The following AGMO variants were observed in gnomAD, a reference collection of about 807,000 sequenced individuals.
AGMO encodes the protein glyceryl-ether monooxygenase.
A neutral mutation model predicts 60.2 loss-of-function variants in AGMO; 75 were observed. The observed-to-expected ratio is 1.25, with a 90% CI of 1.03 to 1.51. The LOEUF is 1.51. AGMO is among the 40% of genes most tolerant of loss of function. The pLI is 0.00. For missense variants in AGMO, 763 were observed against 525.5 expected, an observed-to-expected ratio of 1.45 and a Z score of -4.42; for synonymous variants, 261 against 177.1, an observed-to-expected ratio of 1.47 and a Z score of -3.76.
At chr7:15,465,620 T>G (rs906491901) in intron 3 of AGMO, among the ~76,000 whole-genome samples, 2 of 146,936 alleles carry the variant, frequency 1.4e-5, no homozygotes, top group African/African-American at 5.0e-5. Flanking sequence ...TATATATGAT[T>G]TTTTTTTTAG....
At position 15,385,536 on chromosome 7, in the gene AGMO, T is replaced by C. The variant is rs1783875819; in HGVS notation, c.984A>G (p.Ser328=). ...TCTTTAATAGCTGAGATGAAGATGATGAGAAGGGAACTTCTTTGCCGGTGA... is the reference window on the plus strand; with the variant it reads ...TCTTTAATAGCTGAGATGAAGATGACGAGAAGGGAACTTCTTTGCCGGTGA... ...PEVTGKEVPF[S]SSSSQLLKIY... is the part of the protein sequence containing the mutation. The change falls in exon 10 of 13, where the codon TCA becomes TCG. Residue 328 remains serine (S), a synonymous_variant. Coordinates refer to ENST00000342526, the MANE Select transcript of AGMO (RefSeq NM_001004320.2). 3.1e-6 allele frequency: 5 copies of C among 1,612,538 alleles called. No homozygotes were observed. Among genetic ancestry groups the C allele is most frequent in the Middle Eastern group, 1.6e-4 (1 of 6,080 alleles).
At chr7:15,320,077 C>G (rs941672751) in intron 12 of AGMO, among the ~76,000 whole-genome samples, 2 of 146,942 alleles carry the variant, frequency 1.4e-5, no homozygotes, top group South Asian at 4.3e-4. Context: ...AACACTTGGA[C>G]ACAGGAAGGG....
At chr7:15,271,936 G>A (rs924543386) in intron 12 of AGMO, among the ~76,000 whole-genome samples, 1 of 151,980 alleles carries the variant, frequency 6.6e-6, no homozygotes, top group Non-Finnish European at 1.5e-5. Flanking sequence ...TATGGTTTTT[G>A]TTTCTAATTG....
chr7:15,227,351 G>T (rs1423620711), intron 12 of AGMO, among the ~76,000 whole-genome samples: 1 of 151,926 alleles, frequency 6.6e-6, no homozygotes, highest in Admixed American at 6.6e-5. Context: ...AACCAATCAA[G>T]CTGTGTATAT....
intron 3 of AGMO, among the ~76,000 whole-genome samples, chr7:15,533,888 T>G (rs570425558): frequency 2.0e-5 from 3 of 152,108 alleles, no homozygotes; most frequent in Non-Finnish European, 2.9e-5. Context: ...AGAGCTGGCA[T>G]TAAAAATTTG....
the AGMO span, among the ~76,000 whole-genome samples, chr7:15,161,648 C>T: frequency 1.4e-5 from 2 of 145,866 alleles, no homozygotes; most frequent in East Asian, 2.1e-4. Flanking sequence ...ATATATATAT[C>T]ATATATAATC....
intron 3 of AGMO, among the ~76,000 whole-genome samples, chr7:15,509,993 G>C (rs1007947161): frequency 6.6e-6 from 1 of 152,152 alleles, no homozygotes; most frequent in Non-Finnish European, 1.5e-5. Context: ...AGCCATTATA[G>C]AAAAGTATGG....
At chr7:15,275,138 G>A (rs1360923279) in intron 12 of AGMO, among the ~76,000 whole-genome samples, 1 of 151,978 alleles carries the variant, frequency 6.6e-6, no homozygotes, top group Non-Finnish European at 1.5e-5. Context: ...TGCAAAGTTA[G>A]GGTATTAATT....
At chr7:15,326,504 G>T (rs1483462339) in intron 12 of AGMO, among the ~76,000 whole-genome samples, 1 of 152,018 alleles carries the variant, frequency 6.6e-6, no homozygotes, top group East Asian at 1.9e-4. Context: ...ACCTATTTTG[G>T]GAAGGCCTCT....
At chr7:15,339,791 A>G (rs569000399) in intron 12 of AGMO, among the ~76,000 whole-genome samples, 4 of 152,308 alleles carry the variant, frequency 2.6e-5, no homozygotes, top group Non-Finnish European at 5.9e-5. Context: ...CATTAATCCA[A>G]TGAAGTTAGT....
At chr7:15,217,587 C>T (rs376829494) in intron 12 of AGMO, among the ~76,000 whole-genome samples, 5 of 151,720 alleles carry the variant, frequency 3.3e-5, no homozygotes, top group East Asian at 3.9e-4. Context: ...TAAATTTAAA[C>T]ATACATCAAA....
intron 2 of AGMO, among the ~76,000 whole-genome samples, chr7:15,558,302 G>T (rs1785205050): frequency 6.6e-6 from 1 of 151,894 alleles, no homozygotes; most frequent in Non-Finnish European, 1.5e-5. Context: ...CTTAACAAAT[G>T]CATTCCAATT....
At chr7:15,271,703 G>C (rs1783616413) in intron 12 of AGMO, among the ~76,000 whole-genome samples, 1 of 152,128 alleles carries the variant, frequency 6.6e-6, no homozygotes, top group African/African-American at 2.4e-5. Flanking sequence ...CCAGTACTAT[G>C]TTGAATAGAA....
chr7:15,225,537 T>G (rs1782053967), intron 12 of AGMO, among the ~76,000 whole-genome samples: 1 of 151,982 alleles, frequency 6.6e-6, no homozygotes, highest in African/African-American at 2.4e-5. Context: ...TATAAAAGTG[T>G]GTACATCTCA....
chr7:15,239,700 G>T (rs974523273), intron 12 of AGMO, among the ~76,000 whole-genome samples: 1 of 151,946 alleles, frequency 6.6e-6, no homozygotes, highest in Non-Finnish European at 1.5e-5. Context: ...AATCAATCAG[G>T]GCGTTTTACA....
intron 12 of AGMO, among the ~76,000 whole-genome samples, chr7:15,274,072 G>A (rs185182500): frequency 2.0e-5 from 3 of 152,060 alleles, no homozygotes; most frequent in Admixed American, 6.6e-5. Flanking sequence ...CTGCAAACAG[G>A]GACTATTTGA....
intron 12 of AGMO, among the ~76,000 whole-genome samples, chr7:15,232,291 A>G (rs572362881): frequency 2.2e-4 from 33 of 152,288 alleles, no homozygotes; most frequent in Middle Eastern, 3.4e-3. Flanking sequence ...AAGTATCCAC[A>G]ATATTTTAGG....
chr7:15,529,325 T>C (rs750621199), intron 3 of AGMO, among the ~76,000 whole-genome samples: 1 of 150,968 alleles, frequency 6.6e-6, no homozygotes, highest in Non-Finnish European at 1.5e-5. Context: ...ACTGTTAATG[T>C]AACTTCAAAA....
At chr7:15,320,923 C>T (rs1489338708) in intron 12 of AGMO, among the ~76,000 whole-genome samples, 2 of 152,090 alleles carry the variant, frequency 1.3e-5, no homozygotes, top group Admixed American at 1.3e-4. Context: ...GTGTGACTTG[C>T]ACAAGTTAAG....
Sources: gnomAD v4.1 joint callset for allele counts (sites outside exome capture counted in the v4.1 genomes callset) on GRCh38, gnomAD v4.1.1 for gene constraint, MANE v1.5 for transcripts, NCBI Gene and HGNC (gene_info 2026-07-23, HGNC 2026-07-21) for gene names.